FRMD4A: variants seen among roughly 807,000 people sequenced by gnomAD.
The protein encoded by FRMD4A is FERM domain containing 4A.
Under a neutral mutation model 129.1 loss-of-function variants are expected in FRMD4A, and 29 were observed. The observed-to-expected ratio is 0.22, with a 90% CI of 0.17 to 0.31. The LOEUF is 0.31. FRMD4A is among the 10% of genes least tolerant of loss of function. The pLI, the probability that FRMD4A is intolerant of heterozygous loss-of-function variation, is 1.00. For missense variants in FRMD4A, 1,272 were observed against 1,375.8 expected, an observed-to-expected ratio of 0.92 and a Z score of 1.19; for synonymous variants, 634 against 571.6, an observed-to-expected ratio of 1.11 and a Z score of -1.56.
At position 14,181,842 on chromosome 10, in the gene FRMD4A, C is replaced by A. The variant is rs904965527; in HGVS notation, c.45+148216G>T. On this transcript the variant is annotated intron_variant, in intron 2 of 24. Transcript: ENST00000357447. ...AGCAGCTGGGACTACAGATGTGCAC[C>A]AACATGCCCAGCTAATTTGTGTACT... 3.3e-5 allele frequency among the ~76,000 whole-genome samples: 5 copies of A among 152,100 alleles called. 1 individual carries two copies. Among genetic ancestry groups the A allele is most frequent in the African/African-American group, 1.2e-4 (5 of 41,420 alleles).
At chr10:14,304,387 T>G (rs1342514403) in intron 2 of FRMD4A, among the ~76,000 whole-genome samples, 2 of 152,346 alleles carry the variant, frequency 1.3e-5, no homozygotes, top group Non-Finnish European at 2.9e-5. Context: ...TCCCTAATGA[T>G]GAGTGATGTT....
At chr10:13,872,997 G>A (rs1250792579) in intron 2 of FRMD4A, among the ~76,000 whole-genome samples, 2 of 151,962 alleles carry the variant, frequency 1.3e-5, no homozygotes, top group African/African-American at 2.4e-5. Flanking sequence ...CCAACACGGT[G>A]AAACGTCATC....
At chr10:13,715,068 A>C (rs2088649513) in intron 12 of FRMD4A, among the ~76,000 whole-genome samples, 1 of 152,090 alleles carries the variant, frequency 6.6e-6, no homozygotes, top group South Asian at 2.1e-4. Context: ...AAAAAATTAG[A>C]AGTGCCGCGC....
At chr10:13,778,298 A>C (rs2092650041) in intron 6 of FRMD4A, among the ~76,000 whole-genome samples, 1 of 152,182 alleles carries the variant, frequency 6.6e-6, no homozygotes, top group South Asian at 2.1e-4. Flanking sequence ...TTTCCACTTT[A>C]TAATGAGAAA....
intron 2 of FRMD4A, chr10:13,991,898 A>G (rs1021834939): frequency 4.6e-5 from 7 of 152,378 alleles, no homozygotes; most frequent in East Asian, 1.9e-4. Flanking sequence ...GAAGAAAACA[A>G]TAAGTTAAAA....
chr10:13,949,709 T>G (rs1337972218), intron 2 of FRMD4A, among the ~76,000 whole-genome samples: 2 of 152,252 alleles, frequency 1.3e-5, no homozygotes, highest in Admixed American at 1.3e-4. Flanking sequence ...TAGATAGATT[T>G]TATAAATCCT....
intron 2 of FRMD4A, among the ~76,000 whole-genome samples, chr10:14,232,651 G>A (rs767607010): frequency 1.5e-4 from 23 of 152,166 alleles, no homozygotes; most frequent in Non-Finnish European, 2.1e-4. Flanking sequence ...TCCCTGGTTA[G>A]CTGTATTGCT....
intron 2 of FRMD4A, among the ~76,000 whole-genome samples, chr10:14,191,671 G>T (rs2131923074): frequency 6.6e-6 from 1 of 152,180 alleles, no homozygotes; most frequent in East Asian, 1.9e-4. Flanking sequence ...TTAACTATAG[G>T]GCCGTTGAAA....
chr10:13,747,686 C>T (rs368573334), intron 9 of FRMD4A, 50 bp downstream of exon 9: 17 of 990,478 alleles, frequency 1.7e-5, no homozygotes, highest in East Asian at 4.8e-5. Context: ...CCTGTGTCCC[C>T]TCGCACCCCG....
intron 2 of FRMD4A, among the ~76,000 whole-genome samples, chr10:13,878,685 G>A (rs1483163356): frequency 2.6e-5 from 4 of 151,934 alleles, no homozygotes; most frequent in Admixed American, 6.6e-5. Flanking sequence ...CCCGGGAGGC[G>A]GAGGTTGCAG....
chr10:14,177,993 C>T (rs532949172), intron 2 of FRMD4A, among the ~76,000 whole-genome samples: 1 of 152,292 alleles, frequency 6.6e-6, no homozygotes, highest in Admixed American at 6.5e-5. Context: ...CTGTTGAATG[C>T]TTACCTGGTG....
intron 15 of FRMD4A, among the ~76,000 whole-genome samples, chr10:13,679,060 C>G (rs559717517): frequency 6.6e-6 from 1 of 152,178 alleles, no homozygotes; most frequent in African/African-American, 2.4e-5. Context: ...CACCTACTCT[C>G]TCTACCCTTC....
chr10:13,703,600 G>A (rs1043291174), intron 13 of FRMD4A, among the ~76,000 whole-genome samples: 1 of 152,186 alleles, frequency 6.6e-6, no homozygotes, highest in Non-Finnish European at 1.5e-5. Flanking sequence ...GAGGGGCTGA[G>A]CCCGGAACAC....
intron 2 of FRMD4A, among the ~76,000 whole-genome samples, chr10:13,868,273 T>A (rs1218903163): frequency 1.3e-5 from 2 of 152,114 alleles, no homozygotes; most frequent in African/African-American, 4.8e-5. Flanking sequence ...ATTTTTATTA[T>A]CATTGTAATA....
At chr10:13,827,142 G>A (rs1292990172) in intron 3 of FRMD4A, among the ~76,000 whole-genome samples, 1 of 152,212 alleles carries the variant, frequency 6.6e-6, no homozygotes, top group Non-Finnish European at 1.5e-5. Context: ...GCAGGGCACA[G>A]AATTGGACTC....
chr10:14,005,855 C>A (rs1588744668), intron 2 of FRMD4A, among the ~76,000 whole-genome samples: 1 of 152,180 alleles, frequency 6.6e-6, no homozygotes, highest in African/African-American at 2.4e-5. Context: ...GGGCTCTGTG[C>A]CTTGTTAGTG....
At chr10:13,660,590 T>G (rs1392848569) in intron 19 of FRMD4A, 37 bp from the exon 20 acceptor site, 2 of 1,333,782 alleles carry the variant, frequency 1.5e-6, no homozygotes, top group Non-Finnish European at 2.1e-6. Flanking sequence ...TGAGCCCCGG[T>G]CATCCTTCCC....
chr10:14,290,776 A>G (rs1845826839), intron 2 of FRMD4A, among the ~76,000 whole-genome samples: 1 of 152,050 alleles, frequency 6.6e-6, no homozygotes. Flanking sequence ...AAGGATACTC[A>G]AACACTTTTA....
chr10:13,663,316 T>C, intron 19 of FRMD4A, 137 bp downstream of exon 19: 8 of 632,474 alleles, frequency 1.3e-5, no homozygotes, highest in Middle Eastern at 2.7e-4. Context: ...TACTGGGAAA[T>C]GAGAGAGCTT....
Sources: allele counts gnomAD v4.1 joint callset (sites outside exome capture counted in the v4.1 genomes callset), GRCh38; gene constraint gnomAD v4.1.1; transcripts MANE v1.5; gene names NCBI Gene and HGNC (gene_info 2026-07-23, HGNC 2026-07-21).